ZFPM2: variants seen among roughly 807,000 people sequenced by gnomAD.
The protein encoded by ZFPM2 is zinc finger protein ZFPM2.
Under a neutral mutation model 98.6 loss-of-function variants are expected in ZFPM2, and 20 were observed. The observed-to-expected ratio is 0.20, with a 90% CI of 0.14 to 0.29. The LOEUF is 0.29. Among genes scored for constraint, ZFPM2 ranks in the 10% least tolerant of loss-of-function variants. ZFPM2 has a pLI of 1.00. For synonymous variants in ZFPM2, 518 were observed against 502.7 expected, an observed-to-expected ratio of 1.03 and a Z score of -0.41; for missense variants, 1,310 against 1,388.6, an observed-to-expected ratio of 0.94 and a Z score of 0.90.
At chr8:105,535,184 T>C (rs1563705624) in intron 3 of ZFPM2, among the ~76,000 whole-genome samples, 1 of 152,184 alleles carries the variant, frequency 6.6e-6, no homozygotes. Flanking sequence ...GATCCAGATT[T>C]CCATAGAAGC....
intron 4 of ZFPM2, among the ~76,000 whole-genome samples, chr8:105,575,986 T>TA (rs1351763514): frequency 6.6e-6 from 1 of 152,162 alleles, no homozygotes; most frequent in Non-Finnish European, 1.5e-5. Flanking sequence ...ACTCTGCATT[T>TA]AAAAAATACA....
intron 1 of ZFPM2, among the ~76,000 whole-genome samples, chr8:105,377,112 C>T (rs568950492): frequency 3.3e-5 from 5 of 152,160 alleles, no homozygotes; most frequent in African/African-American, 7.2e-5. Context: ...ATGCTCTTCC[C>T]CTGGGATTAT....
In ZFPM2 at chr8:105,746,371, G is replaced by A. The variant is rs964582673; in HGVS notation, c.533-42347G>A. Among the ~76,000 whole-genome samples the A allele has an allele frequency of 1.1e-4, 17 of 152,048 alleles. 1 individual carries two copies. In the East Asian group the frequency reaches 3.3e-3, roughly 30 times the overall value. On this transcript the variant is annotated intron_variant, in intron 5 of 7. Transcript: ENST00000407775. The stretch of plus-strand genomic sequence containing the variant: ...TGAATAAAATATGCCAATGATAACT[G>A]CTATTATTTAATGATAACTGTCTAA...
intron 1 of ZFPM2, among the ~76,000 whole-genome samples, chr8:105,377,146 C>G (rs542852085): frequency 6.6e-6 from 1 of 152,110 alleles, no homozygotes; most frequent in Non-Finnish European, 1.5e-5. Context: ...CTTCTTATCA[C>G]GTAAGTCCCA....
intron 6 of ZFPM2, among the ~76,000 whole-genome samples, chr8:105,795,328 A>C (rs1813764417): frequency 6.8e-6 from 1 of 146,994 alleles, no homozygotes; most frequent in African/African-American, 2.6e-5. Flanking sequence ...AACTGCAACC[A>C]TTTCAAGTCA....
intron 5 of ZFPM2, among the ~76,000 whole-genome samples, chr8:105,712,941 G>A (rs1274096413): frequency 6.6e-6 from 1 of 151,832 alleles, no homozygotes; most frequent in Non-Finnish European, 1.5e-5. Context: ...ACCACAGATA[G>A]GCTCTTCAGT....
In ZFPM2 at chr8:105,330,625, T is replaced by TACAC. The variant is rs1563607022; in HGVS notation, c.40+11645_40+11646insCACA. 4.1e-3 allele frequency among the ~76,000 whole-genome samples: 295 copies of TACAC among 71,610 alleles called. 2 individuals are homozygous for TACAC. Among genetic ancestry groups the TACAC allele is most frequent in the Non-Finnish European group, 7.0e-3 (223 of 31,890 alleles). The allele number at this position is 71,610 out of a possible 152,430, so 47.0% of individuals were successfully genotyped here. On this transcript the variant is annotated intron_variant, in intron 1 of 7. Transcript: ENST00000407775. ...ATATATATATACACATATATATATA[T>TACAC]ATATATACATATATATATATATATT...
At chr8:105,545,860 T>G (rs1814685732) in intron 3 of ZFPM2, among the ~76,000 whole-genome samples, 1 of 152,222 alleles carries the variant, frequency 6.6e-6, no homozygotes, top group Admixed American at 6.5e-5. Context: ...TACTAATGCA[T>G]AAGTGCATTC....
chr8:105,423,298 T>C (rs1811840869), intron 2 of ZFPM2, among the ~76,000 whole-genome samples: 1 of 152,212 alleles, frequency 6.6e-6, no homozygotes, highest in African/African-American at 2.4e-5. Flanking sequence ...TCTATTGGCA[T>C]TTCCTATGTC....
chr8:105,517,686 C>A (rs1485027834), intron 3 of ZFPM2, among the ~76,000 whole-genome samples: 2 of 104,820 alleles, frequency 1.9e-5, no homozygotes, highest in Non-Finnish European at 3.5e-5. Context: ...CCTATCCACA[C>A]ACACACCACA....
chr8:105,414,993 A>G (rs1289223648), intron 1 of ZFPM2: 1 of 151,484 alleles, frequency 6.6e-6, no homozygotes, highest in Non-Finnish European at 1.5e-5. Context: ...TGGGCTGTCC[A>G]TCAGCATCGT....
At chr8:105,555,377 C>T (rs1814962444) in intron 3 of ZFPM2, among the ~76,000 whole-genome samples, 1 of 151,898 alleles carries the variant, frequency 6.6e-6, no homozygotes, top group Non-Finnish European at 1.5e-5. Flanking sequence ...TATGTGAACG[C>T]ATTACATAGA....
chr8:105,721,070 T>A (rs1811651476), intron 5 of ZFPM2, among the ~76,000 whole-genome samples: 1 of 151,804 alleles, frequency 6.6e-6, no homozygotes, highest in Admixed American at 6.6e-5. Flanking sequence ...ACGTCTTCAT[T>A]TATAGTTGTC....
intron 1 of ZFPM2, among the ~76,000 whole-genome samples, chr8:105,340,875 G>A (rs1264591765): frequency 6.6e-6 from 1 of 151,926 alleles, no homozygotes; most frequent in African/African-American, 2.4e-5. Context: ...ATAGGGTAAC[G>A]TGACAAAGAG....
chr8:105,560,574 GT>G (rs36014181), intron 3 of ZFPM2, among the ~76,000 whole-genome samples: 48,654 of 132,996 alleles, frequency 0.37, 8,001 homozygotes, highest in African/African-American at 0.48. Context: ...GCTATTGGCC[GT>G]TTTTTTTTTT....
Position 105,350,014 on chromosome 8 carries a change from T to C in ZFPM2, c.40+31033T>C, listed in dbSNP as rs112457676. ...TGAAATGACTCAATTAGTGCAATAG[T>C]TTTTTTACGTTTTTAAGGTTTTCTT... On this transcript the variant is annotated intron_variant, in intron 1 of 7. Coordinates refer to ENST00000407775, the MANE Select transcript of ZFPM2 (RefSeq NM_012082.4). Among the ~76,000 whole-genome samples the C allele has an allele frequency of 3.6e-4, 55 of 152,282 alleles. 1 individual carries two copies. The highest frequency in any genetic ancestry group is 1.3e-3 in the African/African-American group (55 of 41,566).
At chr8:105,717,695 A>G (rs1222932882) in intron 5 of ZFPM2, among the ~76,000 whole-genome samples, 5 of 151,964 alleles carry the variant, frequency 3.3e-5, no homozygotes, top group Non-Finnish European at 5.9e-5. Context: ...TACTATCCTT[A>G]TAATTTAGTA....
chr8:105,509,416 A>C (rs1313872785), intron 3 of ZFPM2, among the ~76,000 whole-genome samples: 1 of 151,838 alleles, frequency 6.6e-6, no homozygotes, highest in Non-Finnish European at 1.5e-5. Context: ...TTGACCTTTC[A>C]CCCTTCTTGT....
intron 1 of ZFPM2, among the ~76,000 whole-genome samples, chr8:105,407,568 T>C (rs1811487380): frequency 6.6e-6 from 1 of 151,896 alleles, no homozygotes; most frequent in African/African-American, 2.4e-5. Flanking sequence ...CCCATACTTG[T>C]TGCCAATGCA....
Sources: gnomAD v4.1 joint callset for allele counts (sites outside exome capture counted in the v4.1 genomes callset) on GRCh38, gnomAD v4.1.1 for gene constraint, MANE v1.5 for transcripts, NCBI Gene and HGNC (gene_info 2026-07-23, HGNC 2026-07-21) for gene names.